CACNB2: variants seen among roughly 807,000 people sequenced by gnomAD.
CACNB2 encodes the protein calcium voltage-gated channel auxiliary subunit beta 2.
CACNB2 carries 42 observed loss-of-function variants against 73.3 expected under a neutral mutation model. That is an observed-to-expected ratio of 0.57 (90% CI 0.45 to 0.74). The LOEUF is 0.74. CACNB2 is among the 30% of genes least tolerant of loss of function. The probability of loss-of-function intolerance (pLI) is 0.00; values close to 1 mark genes in which losing one functional copy is unlikely to be tolerated. For synonymous variants in CACNB2, 348 were observed against 310.3 expected (o/e 1.12, Z -1.28); for missense variants, 940 against 853.0 (o/e 1.10, Z -1.27).
At chr10:18,142,753 A>T (rs1285878556) in intron 1 of CACNB2, among the ~76,000 whole-genome samples, 1 of 152,256 alleles carries the variant, frequency 6.6e-6, no homozygotes, top group African/African-American at 2.4e-5. Context: ...ATTGTACAGC[A>T]GCAATGTGGA....
chr10:18,150,530 G>C (rs1030754792), intron 1 of CACNB2, among the ~76,000 whole-genome samples: 1 of 152,186 alleles, frequency 6.6e-6, no homozygotes, highest in South Asian at 2.1e-4. Context: ...AGACGTGGTG[G>C]CACATGCTTG....
At chr10:18,261,292 A>G (rs772273592) in intron 2 of CACNB2, 2 of 1,551,502 alleles carry the variant, frequency 1.3e-6, no homozygotes, top group Non-Finnish European at 1.7e-6. Context: ...GGGCTGGTGC[A>G]TCGCCGGCGA....
chr10:18,272,777 T>C (rs542713147), intron 2 of CACNB2, among the ~76,000 whole-genome samples: 6 of 152,352 alleles, frequency 3.9e-5, no homozygotes, highest in East Asian at 1.9e-4. Context: ...TCCGCAGCCA[T>C]GAAGAACTGT....
intron 10 of CACNB2, among the ~76,000 whole-genome samples, chr10:18,530,007 G>C (rs186571068): frequency 2.0e-5 from 3 of 152,200 alleles, no homozygotes; most frequent in East Asian, 1.9e-4. Context: ...GCAGGCAAGA[G>C]AGAGCATGTG....
chr10:18,364,128 T>C (rs1277415930), intron 2 of CACNB2, among the ~76,000 whole-genome samples: 1 of 151,380 alleles, frequency 6.6e-6, no homozygotes, highest in South Asian at 2.1e-4. Context: ...GTATTTTCAG[T>C]GGAGATGGGG....
chr10:18,447,932 C>G (rs2046816207), intron 3 of CACNB2, among the ~76,000 whole-genome samples: 1 of 151,828 alleles, frequency 6.6e-6, no homozygotes, highest in African/African-American at 2.4e-5. Context: ...GCAAAATGAA[C>G]AGGATTAAGT....
intron 2 of CACNB2, among the ~76,000 whole-genome samples, chr10:18,223,988 T>C (rs1423713080): frequency 4.3e-5 from 2 of 46,072 alleles, no homozygotes; most frequent in Non-Finnish European, 8.1e-5. Context: ...AACTAAGGGG[T>C]CTATTTTTTT....
intron 2 of CACNB2, among the ~76,000 whole-genome samples, chr10:18,399,665 G>A (rs1228197203): frequency 2.0e-5 from 3 of 151,948 alleles, no homozygotes; most frequent in Admixed American, 6.6e-5. Flanking sequence ...TTACGGTCGT[G>A]AGCCACTGCA....
At chr10:18,375,081 G>A (rs1243321130) in intron 2 of CACNB2, among the ~76,000 whole-genome samples, 2 of 152,094 alleles carry the variant, frequency 1.3e-5, no homozygotes, top group African/African-American at 4.8e-5. Context: ...AGCCAAGAGT[G>A]GTGGCACACA....
intron 1 of CACNB2, among the ~76,000 whole-genome samples, chr10:18,145,280 T>G (rs2030849091): frequency 6.6e-6 from 1 of 152,262 alleles, no homozygotes; most frequent in Non-Finnish European, 1.5e-5. Context: ...CAACACTGTT[T>G]TCCTGAAATA....
intron 2 of CACNB2, chr10:18,262,046 T>C (rs1360031567): frequency 7.7e-6 from 4 of 518,532 alleles, no homozygotes; most frequent in African/African-American, 3.9e-5. Context: ...AGCTACTCTA[T>C]TTTCAGGAAG....
intron 1 of CACNB2, among the ~76,000 whole-genome samples, chr10:18,145,405 T>C (rs1454878661): frequency 7.9e-6 from 1 of 126,998 alleles, no homozygotes. Context: ...ACTTTCCTCT[T>C]GAATGGTATT....
At chr10:18,470,679 A>G (rs766059368) in intron 3 of CACNB2, among the ~76,000 whole-genome samples, 38 of 152,064 alleles carry the variant, frequency 2.5e-4, no homozygotes, top group African/African-American at 8.7e-4. Context: ...CTATTACGCT[A>G]TGTCTGTTCC....
chr10:18,194,800 G>A (rs780367686), intron 2 of CACNB2, among the ~76,000 whole-genome samples: 6 of 152,194 alleles, frequency 3.9e-5, no homozygotes, highest in African/African-American at 7.2e-5. Flanking sequence ...TTTATGAAAC[G>A]AACATTCCTA....
rs904858282 is a variant in CACNB2, at chr10:18,189,038, T to C, written c.213+38063T>C. ...GCAGTGTACTGATCATATAGCTCAC[T>C]GCAGCCTCCAACTCCTGGGCTCAAG... On this transcript the variant is annotated intron_variant, in intron 2 of 13. Transcript: ENST00000324631. Among the ~76,000 whole-genome samples, 4 of 151,968 alleles carry C rather than the reference T, an allele frequency of 2.6e-5. No individual in the cohort carries two copies. The East Asian group carries it at 7.8e-4, about 29-fold the overall frequency.
rs184272924 is a variant in CACNB2 at position 18,142,023 on chromosome 10, T to C, written c.120+1167T>C. Among the ~76,000 whole-genome samples, 17 of 152,238 alleles carry C rather than the reference T, an allele frequency of 1.1e-4. No individual in the cohort carries two copies. The East Asian group carries it at 3.1e-3, about 28-fold the overall frequency. ...CATGTTAGAGTATCATTTGCTGTAG[T>C]AGTGGGGGCAGGAGTGTGACAAGCT... On this transcript the variant is annotated intron_variant, in intron 1 of 13. Coordinates refer to ENST00000324631, the MANE Select transcript of CACNB2 (RefSeq NM_201596.3).
At chr10:18,426,955 A>AGTTTTTT (rs2045630616) in intron 3 of CACNB2, among the ~76,000 whole-genome samples, 1 of 81,656 alleles carries the variant, frequency 1.2e-5, no homozygotes, top group East Asian at 4.1e-4. Context: ...CCTTTTCTAC[A>AGTTTTTT]TTTTTTTTTT....
At chr10:18,349,700 G>A (rs2041623438) in intron 2 of CACNB2, among the ~76,000 whole-genome samples, 1 of 149,118 alleles carries the variant, frequency 6.7e-6, no homozygotes, top group African/African-American at 2.5e-5. Flanking sequence ...TGTCTAATGG[G>A]GACAAACTTT....
chr10:18,385,367 C>G (rs1045046721), intron 2 of CACNB2, among the ~76,000 whole-genome samples: 4 of 94,996 alleles, frequency 4.2e-5, no homozygotes, highest in African/African-American at 7.7e-5. Flanking sequence ...TTGTAATACC[C>G]CCCCCCCTCG....
Sources: allele counts gnomAD v4.1 joint callset (sites outside exome capture counted in the v4.1 genomes callset), GRCh38; gene constraint gnomAD v4.1.1; transcripts MANE v1.5; gene names NCBI Gene and HGNC (gene_info 2026-07-23, HGNC 2026-07-21).